The following ST6GAL1 variants were observed in gnomAD, a reference collection of about 807,000 sequenced individuals.
The protein encoded by ST6GAL1 is ST6 beta-galactoside alpha-2,6-sialyltransferase 1.
ST6GAL1 carries 20 observed loss-of-function variants against 38.0 expected under a neutral mutation model. That is an observed-to-expected ratio of 0.53 (90% CI 0.37 to 0.77). The LOEUF (loss-of-function observed/expected upper bound fraction) is 0.77. ST6GAL1 is among the 30% of genes least tolerant of loss of function. The pLI is 0.00. For missense variants in ST6GAL1, 432 were observed against 496.4 expected (o/e 0.87, Z 1.23); for synonymous variants, 196 against 188.2 (o/e 1.04, Z -0.34).
In ST6GAL1 at chr3:187,043,309, C is replaced by A; in HGVS notation, c.606C>A (p.Ile202=). ...SLKSSQLGRE[I]DDHDAVLRFN... is the part of the protein sequence containing the mutation. Reference sequence around the variant, plus strand: ...AGTCCTCCCAACTAGGCAGAGAAATCGGTATGTTCTGGGGTTGTTCTGTGA... The same window carrying A: ...AGTCCTCCCAACTAGGCAGAGAAATAGGTATGTTCTGGGGTTGTTCTGTGA... The change falls in exon 4 of 8, where the codon ATC becomes ATA. Residue 202 remains isoleucine, a splice_region_variant and synonymous_variant. Transcript: ENST00000169298. 6.2e-7 allele frequency: 1 copy of A among 1,612,116 alleles called. No individual in the cohort carries two copies. The highest frequency in any genetic ancestry group is 1.1e-5 in the South Asian group (1 of 90,796).
intron 1 of ST6GAL1, among the ~76,000 whole-genome samples, chr3:186,937,312 CCT>C (rs1248356970): frequency 6.6e-6 from 1 of 152,130 alleles, no homozygotes; most frequent in Non-Finnish European, 1.5e-5. Flanking sequence ...ATTTCAGGAG[CCT>C]CCAACTGCCT....
At chr3:186,974,367 T>C (rs1715452348) in intron 2 of ST6GAL1, among the ~76,000 whole-genome samples, 1 of 152,158 alleles carries the variant, frequency 6.6e-6, no homozygotes, top group Non-Finnish European at 1.5e-5. Context: ...CTGTTGTTTA[T>C]TTTTGGGTTA....
At chr3:187,037,345 C>T (rs188136198) in intron 2 of ST6GAL1, among the ~76,000 whole-genome samples, 9 of 152,148 alleles carry the variant, frequency 5.9e-5, no homozygotes, top group Admixed American at 3.9e-4. Context: ...GTTAATTGTG[C>T]TTTTTATTTT....
intron 1 of ST6GAL1, among the ~76,000 whole-genome samples, chr3:186,949,924 C>A (rs73069433): frequency 0.034 from 5,225 of 152,240 alleles, 117 homozygotes; most frequent in Admixed American, 0.062. Context: ...ACCAATAAAT[C>A]GTGGTTATTT....
chr3:186,931,687 G>A (rs1018493147), intron 1 of ST6GAL1, among the ~76,000 whole-genome samples: 1 of 152,238 alleles, frequency 6.6e-6, no homozygotes, highest in Non-Finnish European at 1.5e-5. Flanking sequence ...CCTGCGGGAA[G>A]AATGTACGAG....
At chr3:186,965,984 C>T (rs1715099224) in intron 2 of ST6GAL1, among the ~76,000 whole-genome samples, 1 of 152,178 alleles carries the variant, frequency 6.6e-6, no homozygotes, top group African/African-American at 2.4e-5. Flanking sequence ...CTGCAACCTC[C>T]GCCTCCCAGG....
chr3:187,060,594 C>T (rs4012246), intron 5 of ST6GAL1, among the ~76,000 whole-genome samples: 95,209 of 152,138 alleles, frequency 0.63, 30,337 homozygotes, highest in African/African-American at 0.72. Context: ...GGGTTAGATA[C>T]GCTGATAGCT....
chr3:186,947,234 A>G (rs563914060), intron 1 of ST6GAL1, among the ~76,000 whole-genome samples: 49 of 152,138 alleles, frequency 3.2e-4, no homozygotes, highest in Non-Finnish European at 5.1e-4. Flanking sequence ...AATTATCTCT[A>G]CTGTACACAT....
At chr3:187,071,531 C>T (rs943664943) in intron 5 of ST6GAL1, among the ~76,000 whole-genome samples, 1 of 151,924 alleles carries the variant, frequency 6.6e-6, no homozygotes, top group East Asian at 1.9e-4. Flanking sequence ...GGGCGGATCA[C>T]GAGGTCAGGA....
At chr3:187,043,954 C>T (rs1718212952) in intron 4 of ST6GAL1, 1 of 152,282 alleles carries the variant, frequency 6.6e-6, no homozygotes. Flanking sequence ...GGACCAACTT[C>T]AGAGGGTCAT....
At position 187,076,701 on chromosome 3, in the gene ST6GAL1, T is replaced by G; in HGVS notation, c.*898T>G. 1 of 397,616 alleles carries G rather than the reference T, an allele frequency of 2.5e-6. No individual in the cohort carries two copies. The highest frequency in any genetic ancestry group is 4.4e-6 in the Non-Finnish European group (1 of 225,948). The allele number at this position is 397,616 out of a possible 1,614,324, so 24.6% of individuals were successfully genotyped here. On this transcript the variant is annotated 3_prime_UTR_variant, in exon 8 of 8. Transcript: ENST00000169298. ...GAAGAAACATGGCAAGCAGATTACA[T>G]CTGAGCCGTTTGAATTGTGTTTTTC...
At chr3:186,948,996 G>A (rs1297756981) in intron 1 of ST6GAL1, 1 of 152,286 alleles carries the variant, frequency 6.6e-6, no homozygotes, top group Non-Finnish European at 1.5e-5. Context: ...TAAGATCAAG[G>A]TGTGACAGCA....
intron 2 of ST6GAL1, among the ~76,000 whole-genome samples, chr3:186,971,448 T>G (rs1686039999): frequency 6.6e-6 from 1 of 152,196 alleles, no homozygotes; most frequent in Non-Finnish European, 1.5e-5. Flanking sequence ...GTGGTCTTAA[T>G]TTGTGTTTCC....
At chr3:187,013,153 CTT>C (rs1397599699) in intron 2 of ST6GAL1, among the ~76,000 whole-genome samples, 4 of 152,204 alleles carry the variant, frequency 2.6e-5, no homozygotes, top group Admixed American at 2.6e-4. Context: ...TCTTTTTCCT[CTT>C]TAAAATGGGA....
intron 4 of ST6GAL1, among the ~76,000 whole-genome samples, chr3:187,050,425 A>G (rs1718467681): frequency 6.6e-6 from 1 of 152,148 alleles, no homozygotes; most frequent in Admixed American, 6.5e-5. Flanking sequence ...CACTGCTTAA[A>G]CAGTTGCAAA....
In ST6GAL1 at chr3:187,049,047, C is replaced by T. The variant is rs139872067; in HGVS notation, c.608-2202C>T. Among the ~76,000 whole-genome samples, 1,291 of 152,126 alleles carry T rather than the reference C, an allele frequency of 8.5e-3. 24 individuals are homozygous for T. Among genetic ancestry groups the T allele is most frequent in the African/African-American group, 0.029 (1,217 of 41,464 alleles). ...CTAGGATTACAGGTGCGTGCCACCA[C>T]GCCCAGCTAATTTTTGTATATTTAG... On this transcript the variant is annotated intron_variant, in intron 4 of 7. Transcript: ENST00000169298.
chr3:187,002,164 C>T (rs1260071647), intron 2 of ST6GAL1, among the ~76,000 whole-genome samples: 2 of 152,062 alleles, frequency 1.3e-5, no homozygotes, highest in African/African-American at 2.4e-5. Context: ...TCAACATTTT[C>T]GTGTGTCTGA....
chr3:186,991,817 C>T (rs2108546006), intron 2 of ST6GAL1, among the ~76,000 whole-genome samples: 1 of 152,200 alleles, frequency 6.6e-6, no homozygotes, highest in Non-Finnish European at 1.5e-5. Flanking sequence ...GAATAAGTTC[C>T]ACTGAGCCAC....
chr3:186,981,004 T>G (rs1715680787), intron 2 of ST6GAL1, among the ~76,000 whole-genome samples: 1 of 152,198 alleles, frequency 6.6e-6, no homozygotes, highest in Non-Finnish European at 1.5e-5. Context: ...AGAGGACATT[T>G]GTGCACTGAG....
Sources: allele counts gnomAD v4.1 joint callset (sites outside exome capture counted in the v4.1 genomes callset), GRCh38; gene constraint gnomAD v4.1.1; transcripts MANE v1.5; gene names NCBI Gene and HGNC (gene_info 2026-07-23, HGNC 2026-07-21).